Variants in FLRT1 observed in about 807,000 individuals in gnomAD.
FLRT1 encodes fibronectin leucine rich transmembrane protein 1.
Under a neutral mutation model 30.9 loss-of-function variants are expected in FLRT1, and 14 were observed. That is an observed-to-expected ratio of 0.45 (90% CI 0.30 to 0.71). The LOEUF is 0.71. FLRT1 is among the 30% of genes least tolerant of loss of function. The pLI, the probability that FLRT1 is intolerant of heterozygous loss-of-function variation, is 0.08. For synonymous variants in FLRT1, 368 were observed against 430.4 expected, an observed-to-expected ratio of 0.85 and a Z score of 1.80; for missense variants, 737 against 949.2, an observed-to-expected ratio of 0.78 and a Z score of 2.94.
In FLRT1 at chr11:64,036,005, CCA is replaced by C. The variant is rs1452493063; in HGVS notation, c.-1190_-1189del. On this transcript the variant is annotated 5_prime_UTR_variant, in exon 1 of 3. The change creates a premature stop within an existing upstream ORF in the 5' untranslated region. Coordinates refer to ENST00000682287, the MANE Select transcript of FLRT1 (RefSeq NM_013280.5). The surrounding 1 kb of genome is among the most constrained non-coding windows in gnomAD (Gnocchi z 5.6). ...CCGCGCGCCCCCCGCTCCGGGCCCGCCACCGTGCTCTGCCGCGCGCCGGGGGC... is the reference window on the plus strand; with the variant it reads ...CCGCGCGCCCCCCGCTCCGGGCCCGCCCGTGCTCTGCCGCGCGCCGGGGGC... The C allele has an allele frequency of 2.0e-5, 3 of 150,942 alleles. No individual in the cohort carries two copies. Among genetic ancestry groups the C allele is most frequent in the Non-Finnish European group, 3.0e-5 (2 of 67,694 alleles). The allele number at this position is 150,942 out of a possible 1,614,324, so 9.4% of individuals were successfully genotyped here.
chr11:64,098,232 C>A (rs1054748353), intron 1 of FLRT1, among the ~76,000 whole-genome samples: 5 of 152,204 alleles, frequency 3.3e-5, no homozygotes, highest in Non-Finnish European at 7.3e-5. Context: ...AAAGACCAGG[C>A]CCCTCAGTGC....
At chr11:64,093,117 C>G (rs1944519346) in intron 1 of FLRT1, among the ~76,000 whole-genome samples, 1 of 152,168 alleles carries the variant, frequency 6.6e-6, no homozygotes. Flanking sequence ...TCCTGAATAT[C>G]TGTTTTCTCA....
chr11:64,080,322 T>G (rs930670316), intron 1 of FLRT1, among the ~76,000 whole-genome samples: 1 of 152,222 alleles, frequency 6.6e-6, no homozygotes, highest in Non-Finnish European at 1.5e-5. Flanking sequence ...TGAATATTTT[T>G]CTTTATAAGC....
chr11:64,065,290 G>C (rs142989377), intron 1 of FLRT1, among the ~76,000 whole-genome samples: 4 of 152,154 alleles, frequency 2.6e-5, no homozygotes, highest in Non-Finnish European at 5.9e-5. Context: ...GGCAGGTGGC[G>C]GGCAAGCGTC....
chr11:64,059,369 C>T (rs1943853037), intron 1 of FLRT1, among the ~76,000 whole-genome samples: 1 of 152,192 alleles, frequency 6.6e-6, no homozygotes, highest in Admixed American at 6.5e-5. Context: ...CCAAGAGGCT[C>T]GCAGCCCAGC....
At chr11:64,076,824 C>T (rs1481786424) in intron 1 of FLRT1, among the ~76,000 whole-genome samples, 1 of 152,294 alleles carries the variant, frequency 6.6e-6, no homozygotes, top group African/African-American at 2.4e-5. Flanking sequence ...GCGTGAGCAG[C>T]CCCCCGGTCC....
intron 1 of FLRT1, among the ~76,000 whole-genome samples, chr11:64,089,136 G>A (rs1179553058): frequency 6.6e-6 from 1 of 152,200 alleles, no homozygotes; most frequent in Non-Finnish European, 1.5e-5. Context: ...CCAGGAGCCC[G>A]CTGGTGACCA....
chr11:64,065,768 C>T (rs926205839), intron 1 of FLRT1, among the ~76,000 whole-genome samples: 3 of 131,752 alleles, frequency 2.3e-5, no homozygotes, highest in African/African-American at 6.1e-5. Context: ...CCAGCCTGGG[C>T]GACAGAGCAC....
chr11:64,058,845 G>T (rs2000515), intron 1 of FLRT1, among the ~76,000 whole-genome samples: 24,355 of 152,118 alleles, frequency 0.16, 3,384 homozygotes, highest in East Asian at 0.4. Context: ...CCGGCAAGGG[G>T]GGGTAGGACC....
rs1479904089 is a variant in FLRT1 at position 64,064,420 on chromosome 11, A to G, written c.-1038+28261A>G. On this transcript the variant is annotated intron_variant, in intron 1 of 2. Transcript: ENST00000682287. The surrounding 1 kb of genome is among the most constrained non-coding windows in gnomAD (Gnocchi z 4.5). The stretch of plus-strand genomic sequence containing the variant: ...GGCTCAGGGCCAGTGCCGGGACTCC[A>G]GCTCCTCTGGGCACTGGGCAGGCAA... Among the ~76,000 whole-genome samples, 2 of 152,146 alleles carry G rather than the reference A, an allele frequency of 1.3e-5. No homozygotes were observed. The highest frequency in any genetic ancestry group is 1.3e-4 in the Admixed American group (2 of 15,264).
chr11:64,076,483 T>A (rs1411753492), intron 1 of FLRT1, among the ~76,000 whole-genome samples: 1 of 152,160 alleles, frequency 6.6e-6, no homozygotes, highest in Non-Finnish European at 1.5e-5. Flanking sequence ...AATGGATGGA[T>A]GGACGGATGA....
chr11:64,077,844 G>T lies in FLRT1; in HGVS notation c.-1037-25350G>T, dbSNP rs569960987. 8.0e-4 allele frequency among the ~76,000 whole-genome samples: 122 copies of T among 152,356 alleles called. 1 individual carries two copies. Among genetic ancestry groups the T allele is most frequent in the African/African-American group, 2.8e-3 (115 of 41,586 alleles). On this transcript the variant is annotated intron_variant, in intron 1 of 2. Transcript: ENST00000682287. ...GGCAAGGAGTCTCCTTTGGCTATGG[G>T]TGGGCTTCAGGAGCCCAGGGCCCCC... is the stretch of plus-strand genomic sequence containing the variant.
chr11:64,071,049 G>A lies in FLRT1; in HGVS notation c.-1037-32145G>A, dbSNP rs575872664. Among the ~76,000 whole-genome samples, 5 of 152,260 alleles carry A rather than the reference G, an allele frequency of 3.3e-5. 1 individual carries two copies. Among genetic ancestry groups the A allele is most frequent in the African/African-American group, 9.6e-5 (4 of 41,536 alleles). On this transcript the variant is annotated intron_variant, in intron 1 of 2. Coordinates refer to ENST00000682287, the MANE Select transcript of FLRT1 (RefSeq NM_013280.5). ...CATACTCATCTCTTTATTCTTCTCTGTGCACCTGTTGGGGACACCAGGCCT... is the reference window on the plus strand; with the variant it reads ...CATACTCATCTCTTTATTCTTCTCTATGCACCTGTTGGGGACACCAGGCCT...
rs746762287 is a variant in FLRT1 at position 64,117,900 on chromosome 11, G to A, written c.1633G>A (p.Ala545Thr). 9 of 1,613,914 alleles carry A rather than the reference G, an allele frequency of 5.6e-6. No individual in the cohort carries two copies. Among genetic ancestry groups the A allele is most frequent in the Admixed American group, 3.3e-5 (2 of 60,026 alleles). The change falls in exon 3 of 3, where the codon GCT (alanine) becomes ACT (threonine). Residue 545 changes from alanine to threonine, a missense_variant. Coordinates refer to ENST00000682287, the MANE Select transcript of FLRT1 (RefSeq NM_013280.5). ...PTTTLNQEQN[A>T]GPMASLPLAG... The stretch of plus-strand genomic sequence containing the variant: ...CACCACACTCAACCAGGAGCAGAAC[G>A]CTGGCCCCATGGCGAGCCTGCCCCT...
intron 1 of FLRT1, among the ~76,000 whole-genome samples, chr11:64,038,991 C>A (rs1943434411): frequency 1.3e-5 from 2 of 152,096 alleles, no homozygotes; most frequent in South Asian, 4.1e-4. Flanking sequence ...CAATGTGGGG[C>A]CCTTGCCTAG....
In FLRT1 at chr11:64,067,493, G is replaced by C; in HGVS notation, c.-1038+31334G>C. On this transcript the variant is annotated intron_variant, in intron 1 of 2. Transcript: ENST00000682287. The surrounding 1 kb of genome is among the most constrained non-coding windows in gnomAD (Gnocchi z 4.6). ...GATAACAGAAGGGAGGAGATAGGTC[G>C]GGGACGGGGACAGACGGCACCTCCC... 6.6e-6 allele frequency among the ~76,000 whole-genome samples: 1 copy of C among 152,086 alleles called. No homozygotes were observed. The highest frequency in any genetic ancestry group is 1.9e-4 in the East Asian group (1 of 5,180).
Position 64,117,221 on chromosome 11 carries a change from G to A in FLRT1, c.954G>A (p.Gly318=), listed in dbSNP as rs1565241929. 2 of 1,614,176 alleles carry A rather than the reference G, an allele frequency of 1.2e-6. No individual in the cohort carries two copies. Among genetic ancestry groups the A allele is most frequent in the Non-Finnish European group, 8.5e-7 (1 of 1,180,022 alleles). ...CCCGCGGCCTGTTCGACGACCTGGG[G>A]AACCTGGCCCAGCTGCTGCTCAGGA... is the stretch of plus-strand genomic sequence containing the variant. The part of the protein sequence containing the change: ...TLPRGLFDDL[G]NLAQLLLRNN... Residue 318 remains glycine, a synonymous_variant, in exon 3 of 3, where the codon GGG becomes GGA. Transcript: ENST00000682287.
chr11:64,112,591 G>A (rs1441162631), intron 2 of FLRT1, among the ~76,000 whole-genome samples: 1 of 152,212 alleles, frequency 6.6e-6, no homozygotes, highest in African/African-American at 2.4e-5. Flanking sequence ...CTATAGGCAA[G>A]CAAGGAACTG....
chr11:64,060,953 G>T (rs1943890272), intron 1 of FLRT1, among the ~76,000 whole-genome samples: 1 of 151,872 alleles, frequency 6.6e-6, no homozygotes, highest in South Asian at 2.1e-4. Context: ...GGCGGCGGCG[G>T]CGGGGCTCCC....
Sources: gnomAD v4.1 joint callset for allele counts (sites outside exome capture counted in the v4.1 genomes callset) on GRCh38, gnomAD v4.1.1 for gene constraint, Gnocchi (gnomAD v3.1) non-coding constraint, MANE v1.5 for transcripts, NCBI Gene and HGNC (gene_info 2026-07-23, HGNC 2026-07-21) for gene names.